MIER3: variants seen among roughly 807,000 people sequenced by gnomAD.
The protein encoded by MIER3 is mesoderm induction early response protein 3.
In MIER3, 9 loss-of-function variants were observed where a neutral mutation model predicts 63.2. The observed-to-expected ratio is 0.14, with a 90% CI of 0.09 to 0.25. The LOEUF (loss-of-function observed/expected upper bound fraction) is 0.25, where lower values mean the gene tolerates loss of function less well. Ranked by LOEUF, MIER3 falls within the 10% of genes least tolerant of loss-of-function variation. The probability of loss-of-function intolerance (pLI) is 1.00; values close to 1 mark genes in which losing one functional copy is unlikely to be tolerated. For synonymous variants in MIER3, 205 were observed against 224.9 expected (o/e 0.91, Z 0.79); for missense variants, 512 against 666.2 (o/e 0.77, Z 2.55).
rs1749677769 is a variant in MIER3 at position 56,921,624 on chromosome 5, C to T, written c.*1504G>A. 1 of 152,726 alleles carries T rather than the reference C, an allele frequency of 6.5e-6. No homozygotes were observed. The highest frequency in any genetic ancestry group is 2.4e-5 in the African/African-American group (1 of 41,590). 9.5% of individuals were successfully genotyped at this position (152,726 alleles called of 1,614,324 possible). A position where few individuals can be genotyped will look rare whatever the true frequency, so the allele number is the denominator to read the frequency against. On this transcript the variant is annotated 3_prime_UTR_variant, in exon 13 of 13. Coordinates refer to ENST00000381199, the MANE Select transcript of MIER3 (RefSeq NM_001297599.2). ...GTTCACAGTTTGTATAATAAATACC[C>T]TCCCTTTCAATCACTACTAAGATCA...
intron 3 of MIER3, chr5:56,941,074 G>C (rs1223314251): frequency 1.4e-5 from 14 of 985,272 alleles, no homozygotes; most frequent in Non-Finnish European, 1.6e-5. Flanking sequence ...CTAGCTACTT[G>C]CTACTGGACA....
At chr5:56,930,468 A>G (rs1750221722) in intron 9 of MIER3, among the ~76,000 whole-genome samples, 196 bp downstream of exon 9, 2 of 152,190 alleles carry the variant, frequency 1.3e-5, no homozygotes, top group Admixed American at 1.3e-4. Context: ...CAGGGGGGTG[A>G]CTAATTTGTG....
intron 7 of MIER3, among the ~76,000 whole-genome samples, chr5:56,934,766 T>C (rs967484383): frequency 2.0e-5 from 3 of 152,142 alleles, no homozygotes; most frequent in African/African-American, 7.2e-5. Flanking sequence ...GGTGCTGCTT[T>C]TGCCCTTGTG....
intron 7 of MIER3, 81 bp downstream of exon 7, chr5:56,935,347 T>C: frequency 1.9e-6 from 2 of 1,079,754 alleles, no homozygotes; most frequent in Non-Finnish European, 2.7e-6. Flanking sequence ...CCAAGGCTGG[T>C]ATAAAGCCAG....
At chr5:56,937,756 A>G in intron 4 of MIER3, 58 bp from the exon 5 acceptor site, 1 of 1,461,346 alleles carries the variant, frequency 6.8e-7, no homozygotes, top group Non-Finnish European at 9.2e-7. Flanking sequence ...ATTAATTAAG[A>G]AAACTATCTT....
chr5:56,945,321 G>GGT (rs1194317380), intron 3 of MIER3, among the ~76,000 whole-genome samples: 1 of 152,152 alleles, frequency 6.6e-6, no homozygotes, highest in Non-Finnish European at 1.5e-5. Context: ...AAAGTAGCCA[G>GGT]GTGTGGTGGT....
intron 10 of MIER3, among the ~76,000 whole-genome samples, chr5:56,924,822 C>T (rs959101638): frequency 1.4e-4 from 22 of 152,256 alleles, no homozygotes; most frequent in African/African-American, 3.9e-4. Context: ...AATCAGTACC[C>T]GATAAAGAAG....
intron 4 of MIER3, 55 bp from the exon 5 acceptor site, chr5:56,937,753 A>G: frequency 6.8e-7 from 1 of 1,468,848 alleles, no homozygotes; most frequent in Non-Finnish European, 9.1e-7. Context: ...CTCATTAATT[A>G]AGAAAACTAT....
At chr5:56,944,299 G>A (rs1183737261) in intron 3 of MIER3, among the ~76,000 whole-genome samples, 1 of 151,272 alleles carries the variant, frequency 6.6e-6, no homozygotes, top group Admixed American at 6.6e-5. Flanking sequence ...GTGAAACCCC[G>A]TCTCTACTAA....
chr5:56,939,497 GA>G (rs1271640157), intron 3 of MIER3, among the ~76,000 whole-genome samples: 1 of 152,130 alleles, frequency 6.6e-6, no homozygotes, highest in Non-Finnish European at 1.5e-5. Flanking sequence ...TATGTTCAAA[GA>G]ACAATTATCC....
intron 10 of MIER3, among the ~76,000 whole-genome samples, chr5:56,926,613 T>C (rs549653150): frequency 9.9e-5 from 15 of 152,202 alleles, no homozygotes; most frequent in East Asian, 5.8e-4. Context: ...TGTAGAGCAA[T>C]AGAACTCATT....
intron 2 of MIER3, among the ~76,000 whole-genome samples, chr5:56,947,378 A>G (rs1401361436): frequency 1.3e-5 from 2 of 152,194 alleles, no homozygotes; most frequent in Non-Finnish European, 2.9e-5. Flanking sequence ...TTCTAATAGA[A>G]AAAGTCAAAC....
At chr5:56,927,172 T>C (rs1007154723) in intron 10 of MIER3, among the ~76,000 whole-genome samples, 3 of 152,076 alleles carry the variant, frequency 2.0e-5, no homozygotes, top group African/African-American at 7.2e-5. Flanking sequence ...CTGGTGGATA[T>C]GTATCATTAT....
Position 56,920,841 on chromosome 5 carries a change from C to A in MIER3, c.*2287G>T, listed in dbSNP as rs1202937316. The A allele has an allele frequency of 1.3e-5, 2 of 152,480 alleles. No individual in the cohort carries two copies. The highest frequency in any genetic ancestry group is 4.8e-5 in the African/African-American group (2 of 41,426). The allele number at this position is 152,480 out of a possible 1,614,324, so 9.4% of individuals were successfully genotyped here. On this transcript the variant is annotated 3_prime_UTR_variant, in exon 13 of 13. Coordinates refer to ENST00000381199, the MANE Select transcript of MIER3 (RefSeq NM_001297599.2). The stretch of plus-strand genomic sequence containing the variant: ...ACAAAAATCTTGCAAATTATTGCCT[C>A]ATTTTAACAAGGAATTAAAAGTAAA...
chr5:56,923,892 G>A (rs1749819569), intron 11 of MIER3, 23 bp downstream of exon 11: 1 of 1,613,822 alleles, frequency 6.2e-7, no homozygotes, highest in Non-Finnish European at 8.5e-7. Flanking sequence ...GTAAGTCTTT[G>A]AAGGCAAGGC....
chr5:56,949,056 T>C (rs1325196440), intron 2 of MIER3, among the ~76,000 whole-genome samples: 1 of 152,156 alleles, frequency 6.6e-6, no homozygotes. Context: ...ACCTCAAAAG[T>C]CCCTTCCAAC....
rs1183888886 is a variant in MIER3, at chr5:56,942,945, C to G, written c.181-3928G>C. On this transcript the variant is annotated intron_variant, in intron 3 of 12. Transcript: ENST00000381199. ...ATTGCTCGAGCCCAGGAGTTGGAGA[C>G]CAGCCTGGGCATTGCAAGACCCCTT... Among the ~76,000 whole-genome samples, 2 of 152,008 alleles carry G rather than the reference C, an allele frequency of 1.3e-5. 1 individual carries two copies. Among genetic ancestry groups the G allele is most frequent in the East Asian group, 3.9e-4 (2 of 5,176 alleles).
chr5:56,930,802 A>C, intron 8 of MIER3, 57 bp from the exon 9 acceptor site: 1 of 1,349,490 alleles, frequency 7.4e-7, no homozygotes, highest in South Asian at 1.2e-5. Context: ...GCATTTTAAA[A>C]AACAGGTGTA....
chr5:56,921,913 A>G lies in MIER3; in HGVS notation c.*1215T>C, dbSNP rs1579826650. 1 of 152,666 alleles carries G rather than the reference A, an allele frequency of 6.6e-6. No individual in the cohort carries two copies. Among genetic ancestry groups the G allele is most frequent in the African/African-American group, 2.4e-5 (1 of 41,462 alleles). The allele number at this position is 152,666 out of a possible 1,614,324, so 9.5% of individuals were successfully genotyped here. ...ACAAAAATGGCCAAAGTTTAGGACA[A>G]TGGCTTCTCATTCACAATATTTGGA... On this transcript the variant is annotated 3_prime_UTR_variant, in exon 13 of 13. Coordinates refer to ENST00000381199, the MANE Select transcript of MIER3 (RefSeq NM_001297599.2).
Sources: gnomAD v4.1 joint callset for allele counts (sites outside exome capture counted in the v4.1 genomes callset) on GRCh38, gnomAD v4.1.1 for gene constraint, MANE v1.5 for transcripts, NCBI Gene and HGNC (gene_info 2026-07-23, HGNC 2026-07-21) for gene names.